ADAM32: variants seen among roughly 807,000 people sequenced by gnomAD.
The protein encoded by ADAM32 is ADAM metallopeptidase domain 32.
In ADAM32, 89 loss-of-function variants were observed where a neutral mutation model predicts 114.9. The ratio of observed to expected loss-of-function variants is 0.77; its 90% CI spans 0.65 to 0.92. The LOEUF (loss-of-function observed/expected upper bound fraction) is 0.92. ADAM32 is among the 40% of genes least tolerant of loss of function. The probability of loss-of-function intolerance (pLI) is 0.00; values close to 1 mark genes in which losing one functional copy is unlikely to be tolerated. For synonymous variants in ADAM32, 285 were observed against 307.5 expected, an observed-to-expected ratio of 0.93 and a Z score of 0.77; for missense variants, 870 against 932.8, an observed-to-expected ratio of 0.93 and a Z score of 0.88.
chr8:39,151,953 G>A (rs1481331777), intron 6 of ADAM32, among the ~76,000 whole-genome samples: 3 of 151,896 alleles, frequency 2.0e-5, no homozygotes, highest in African/African-American at 7.3e-5. Flanking sequence ...ATGAGCCACC[G>A]TGCCTGGCTG....
chr8:39,161,694 A>G (rs771477162), intron 7 of ADAM32, among the ~76,000 whole-genome samples: 2 of 152,164 alleles, frequency 1.3e-5, no homozygotes, highest in Non-Finnish European at 2.9e-5. Flanking sequence ...CTCTTTACCA[A>G]TTCTATTCCT....
At chr8:39,263,644 T>TAC (rs1419063364) in intron 19 of ADAM32, among the ~76,000 whole-genome samples, 1 of 152,222 alleles carries the variant, frequency 6.6e-6, no homozygotes, top group Non-Finnish European at 1.5e-5. Flanking sequence ...AGCAAATATA[T>TAC]ACACATACCA....
intron 7 of ADAM32, among the ~76,000 whole-genome samples, chr8:39,161,872 A>G (rs1315705149): frequency 2.6e-5 from 4 of 152,068 alleles, no homozygotes; most frequent in Non-Finnish European, 5.9e-5. Flanking sequence ...TATTTCTGAT[A>G]AATATGACTA....
chr8:39,158,464 C>G (rs1804294336), intron 6 of ADAM32: 1 of 234,866 alleles, frequency 4.3e-6, no homozygotes, highest in Admixed American at 6.1e-5. Flanking sequence ...TGGGCAGTGT[C>G]TCCACAATGG....
At chr8:39,127,147 C>A (rs1444137610) in intron 2 of ADAM32, among the ~76,000 whole-genome samples, 3 of 152,108 alleles carry the variant, frequency 2.0e-5, no homozygotes, top group Admixed American at 2.0e-4. Context: ...TGTTGTATCT[C>A]TGTCAGGTTT....
rs1585592310 is a variant in ADAM32 at position 39,228,660 on chromosome 8, A to C, written c.1526-3367A>C. On this transcript the variant is annotated intron_variant, in intron 14 of 24. Transcript: ENST00000379907. ...AAAAAGAATAAGAAAATATGAACAA[A>C]GCCTCCAAGAAGTCTGGGATTTTGT... Among the ~76,000 whole-genome samples, 3 of 152,302 alleles carry C rather than the reference A, an allele frequency of 2.0e-5. No individual in the cohort carries two copies. The South Asian group carries it at 6.2e-4, about 32-fold the overall frequency.
intron 10 of ADAM32, among the ~76,000 whole-genome samples, chr8:39,172,172 C>T (rs1805242655): frequency 6.6e-6 from 1 of 152,022 alleles, no homozygotes; most frequent in Non-Finnish European, 1.5e-5. Context: ...ACTTCTTTTA[C>T]TTGTTATGGG....
chr8:39,241,631 C>T (rs1810558180), intron 16 of ADAM32, among the ~76,000 whole-genome samples: 2 of 152,226 alleles, frequency 1.3e-5, no homozygotes, highest in Admixed American at 1.3e-4. Flanking sequence ...TACCTTGGTC[C>T]CTTTCAGTCA....
chr8:39,164,715 T>C, intron 7 of ADAM32, 49 bp from the exon 8 acceptor site: 3 of 1,384,140 alleles, frequency 2.2e-6, no homozygotes, highest in Non-Finnish European at 3.0e-6. Flanking sequence ...ATCTTAAAAA[T>C]ACTACATAAT....
intron 10 of ADAM32, among the ~76,000 whole-genome samples, chr8:39,182,912 G>A (rs532047873): frequency 2.6e-4 from 40 of 152,208 alleles, no homozygotes; most frequent in African/African-American, 9.1e-4. Flanking sequence ...GGTTACAACC[G>A]TGGACAGGCA....
intron 11 of ADAM32, among the ~76,000 whole-genome samples, chr8:39,200,237 A>G (rs1395261719): frequency 6.6e-6 from 1 of 152,214 alleles, no homozygotes; most frequent in Non-Finnish European, 1.5e-5. Flanking sequence ...CAGTCCCACC[A>G]ACAGTGTAAA....
At chr8:39,199,747 A>T (rs1585520444) in intron 11 of ADAM32, among the ~76,000 whole-genome samples, 1 of 152,030 alleles carries the variant, frequency 6.6e-6, no homozygotes, top group African/African-American at 2.4e-5. Context: ...CATTAGGTAT[A>T]TCTCCTAATG....
chr8:39,201,465 G>T (rs534417437), intron 11 of ADAM32, among the ~76,000 whole-genome samples: 1 of 151,680 alleles, frequency 6.6e-6, no homozygotes, highest in Non-Finnish European at 1.5e-5. Flanking sequence ...TGTGATTTTT[G>T]CACATTGATT....
intron 10 of ADAM32, among the ~76,000 whole-genome samples, chr8:39,186,395 A>G (rs537052588): frequency 6.6e-6 from 1 of 152,142 alleles, no homozygotes; most frequent in African/African-American, 2.4e-5. Context: ...CAATAGTGCA[A>G]TCTGAAGGAT....
intron 12 of ADAM32, among the ~76,000 whole-genome samples, chr8:39,214,574 T>C (rs1234581835): frequency 6.6e-6 from 1 of 152,148 alleles, no homozygotes; most frequent in African/African-American, 2.4e-5. Context: ...GCTCCTTTTA[T>C]GTTCTGGATA....
At chr8:39,108,851 A>G (rs961734864) in intron 1 of ADAM32, among the ~76,000 whole-genome samples, 2 of 152,178 alleles carry the variant, frequency 1.3e-5, no homozygotes, top group Admixed American at 6.5e-5. Context: ...GCTTGTAAAC[A>G]GCTACCTTCT....
At chr8:39,113,660 C>T (rs1332739881) in intron 1 of ADAM32, among the ~76,000 whole-genome samples, 1 of 152,142 alleles carries the variant, frequency 6.6e-6, no homozygotes, top group Non-Finnish European at 1.5e-5. Flanking sequence ...GTTCTTCTAC[C>T]ACATTCTGGC....
chr8:39,231,770 C>T (rs1230784678), intron 14 of ADAM32, among the ~76,000 whole-genome samples: 1 of 152,066 alleles, frequency 6.6e-6, no homozygotes, highest in African/African-American at 2.4e-5. Flanking sequence ...GAGCCCTCTT[C>T]TAGTTGACAC....
At chr8:39,221,557 G>A in intron 12 of ADAM32, 53 bp from the exon 13 acceptor site, 1 of 1,372,592 alleles carries the variant, frequency 7.3e-7, no homozygotes, top group South Asian at 1.2e-5. Context: ...TCCTAGTAAA[G>A]ATTTTACTAT....
Sources: allele counts gnomAD v4.1 joint callset (sites outside exome capture counted in the v4.1 genomes callset), GRCh38; gene constraint gnomAD v4.1.1; transcripts MANE v1.5; gene names NCBI Gene and HGNC (gene_info 2026-07-23, HGNC 2026-07-21).